VPS54: variants seen among roughly 807,000 people sequenced by gnomAD.
The protein encoded by VPS54 is VPS54 subunit of GARP complex, also known as vacuolar protein sorting-associated protein 54.
In VPS54, 45 loss-of-function variants were observed where a neutral mutation model predicts 121.5. That is an observed-to-expected ratio of 0.37 (90% CI 0.29 to 0.47). The LOEUF (loss-of-function observed/expected upper bound fraction) is 0.47, where lower values mean the gene tolerates loss of function less well. Ranked by LOEUF, VPS54 falls within the 20% of genes least tolerant of loss-of-function variation. VPS54 has a pLI of 0.99. For synonymous variants in VPS54, 371 were observed against 385.8 expected, an observed-to-expected ratio of 0.96 and a Z score of 0.45; for missense variants, 1,090 against 1,131.4, an observed-to-expected ratio of 0.96 and a Z score of 0.52.
At chr2:63,930,435 C>T (rs1244866343) in intron 12 of VPS54, among the ~76,000 whole-genome samples, 1 of 151,986 alleles carries the variant, frequency 6.6e-6, no homozygotes, top group African/African-American at 2.4e-5. Context: ...TCAATAGATG[C>T]AGAAAAGGCC....
At chr2:63,943,593 T>C (rs1349840817) in intron 10 of VPS54, among the ~76,000 whole-genome samples, 1 of 152,216 alleles carries the variant, frequency 6.6e-6, no homozygotes, top group East Asian at 1.9e-4. Flanking sequence ...CAGTCGTACA[T>C]ATTGCTAGTC....
intron 13 of VPS54, 112 bp downstream of exon 13, chr2:63,921,094 T>G: frequency 8.4e-7 from 1 of 1,187,622 alleles, no homozygotes; most frequent in South Asian, 2.2e-5. Flanking sequence ...CTGACTTTAT[T>G]AAATGTTAAA....
chr2:63,910,359 T>C (rs1673096949), intron 20 of VPS54, among the ~76,000 whole-genome samples: 1 of 152,216 alleles, frequency 6.6e-6, no homozygotes, highest in African/African-American at 2.4e-5. Context: ...GATATATATT[T>C]TTTTAAATGA....
At chr2:63,976,672 T>C (rs1676545717) in intron 3 of VPS54, among the ~76,000 whole-genome samples, 1 of 152,098 alleles carries the variant, frequency 6.6e-6, no homozygotes, top group African/African-American at 2.4e-5. Flanking sequence ...TGGTAAATTG[T>C]GTCTTTCAAA....
At chr2:63,928,836 CAA>C (rs1383479805) in intron 12 of VPS54, among the ~76,000 whole-genome samples, 56 of 64,186 alleles carry the variant, frequency 8.7e-4, no homozygotes, top group Middle Eastern at 0.01. Context: ...AAATGGAAAG[CAA>C]AAAAAAAAAA....
chr2:64,014,930 CATT>C (rs1481213881), intron 1 of VPS54, among the ~76,000 whole-genome samples: 1 of 152,104 alleles, frequency 6.6e-6, no homozygotes, highest in African/African-American at 2.4e-5. Flanking sequence ...TTGTTAAAAA[CATT>C]AAATAGTCTA....
intron 1 of VPS54, among the ~76,000 whole-genome samples, chr2:64,014,356 T>C (rs1678582718): frequency 6.6e-6 from 1 of 152,188 alleles, no homozygotes; most frequent in Non-Finnish European, 1.5e-5. Flanking sequence ...GTAAAATATA[T>C]ATATTTTCAA....
intron 1 of VPS54, among the ~76,000 whole-genome samples, chr2:64,008,267 A>T (rs781103235): frequency 6.6e-6 from 1 of 152,132 alleles, no homozygotes; most frequent in African/African-American, 2.4e-5. Flanking sequence ...ACGAAAAATT[A>T]GCCGGGCATG....
intron 1 of VPS54, among the ~76,000 whole-genome samples, chr2:63,993,979 C>T (rs895669606): frequency 9.9e-5 from 15 of 152,252 alleles, no homozygotes; most frequent in South Asian, 2.1e-4. Context: ...TTCTAGTTAA[C>T]GTGGGAAAGA....
chr2:63,940,612 T>G (rs923838763), intron 11 of VPS54, among the ~76,000 whole-genome samples: 1 of 152,132 alleles, frequency 6.6e-6, no homozygotes, highest in African/African-American at 2.4e-5. Flanking sequence ...AAAAAAACAT[T>G]GAAGGAAATG....
At chr2:63,942,654 CT>C (rs1674796543) in intron 10 of VPS54, 93 bp from the exon 11 acceptor site, 1 of 1,060,922 alleles carries the variant, frequency 9.4e-7, no homozygotes, top group East Asian at 2.9e-5. Context: ...TAAATACTAT[CT>C]AGTGATAAAA....
chr2:63,958,366 G>GA (rs1286367270), intron 7 of VPS54, among the ~76,000 whole-genome samples: 3 of 152,242 alleles, frequency 2.0e-5, no homozygotes, highest in African/African-American at 7.2e-5. Flanking sequence ...CTAATGACTA[G>GA]AAAAAATGTG....
chr2:63,933,233 T>G (rs1478792129), intron 12 of VPS54, among the ~76,000 whole-genome samples: 1 of 152,148 alleles, frequency 6.6e-6, no homozygotes, highest in African/African-American at 2.4e-5. Flanking sequence ...ATTTGGAAAT[T>G]CATGTCTTTG....
chr2:63,953,609 A>G (rs1675359877), intron 7 of VPS54, among the ~76,000 whole-genome samples: 1 of 152,214 alleles, frequency 6.6e-6, no homozygotes, highest in Admixed American at 6.5e-5. Flanking sequence ...CGCATGTACA[A>G]TATCCAGAGT....
chr2:63,929,509 T>C (rs1300581794), intron 12 of VPS54, among the ~76,000 whole-genome samples: 1 of 152,074 alleles, frequency 6.6e-6, no homozygotes, highest in African/African-American at 2.4e-5. Context: ...GGGACACATT[T>C]AAAGCAGTGT....
At position 63,928,954 on chromosome 2, in the gene VPS54, A is replaced by T. The variant is rs371698608; in HGVS notation, c.1739+4719T>A. ...TATATAATGGTAAAGGGATCAATTC[A>T]ACAAGAAGAACTAACTATCCTAAAT... On this transcript the variant is annotated intron_variant, in intron 12 of 22. Coordinates refer to ENST00000272322, the MANE Select transcript of VPS54 (RefSeq NM_016516.3). 3.9e-5 allele frequency among the ~76,000 whole-genome samples: 6 copies of T among 152,326 alleles called. No homozygotes were observed. In the East Asian group the frequency reaches 1.2e-3, roughly 29 times the overall value.
At chr2:63,951,138 G>C (rs1030877020) in intron 7 of VPS54, among the ~76,000 whole-genome samples, 9 of 151,252 alleles carry the variant, frequency 6.0e-5, no homozygotes, top group African/African-American at 2.2e-4. Flanking sequence ...TGGATAAAAA[G>C]GTACTTGCAA....
chr2:63,906,754 G>A (rs900008587), intron 20 of VPS54, among the ~76,000 whole-genome samples: 4 of 152,154 alleles, frequency 2.6e-5, no homozygotes, highest in African/African-American at 4.8e-5. Context: ...TGTGGATCAG[G>A]AGACCCAATA....
chr2:63,965,248 G>A (rs1296427860), intron 6 of VPS54, among the ~76,000 whole-genome samples: 4 of 152,094 alleles, frequency 2.6e-5, no homozygotes, highest in Non-Finnish European at 4.4e-5. Flanking sequence ...AGGCCAAGGT[G>A]GGCGGATCAT....
Sources: allele counts gnomAD v4.1 joint callset (sites outside exome capture counted in the v4.1 genomes callset), GRCh38; gene constraint gnomAD v4.1.1; transcripts MANE v1.5; gene names NCBI Gene and HGNC (gene_info 2026-07-23, HGNC 2026-07-21).